Variants in CASD1 observed in about 807,000 individuals in gnomAD.
The protein encoded by CASD1 is CAS1 domain sialic acid O acetyltransferase 1.
CASD1 carries 41 observed loss-of-function variants against 100.0 expected under a neutral mutation model. The ratio of observed to expected loss-of-function variants is 0.41; its 90% confidence interval spans 0.32 to 0.53. The LOEUF is 0.53. Among genes scored for constraint, CASD1 ranks in the 20% least tolerant of loss-of-function variants. The pLI, the probability that CASD1 is intolerant of heterozygous loss-of-function variation, is 0.25. For synonymous variants in CASD1, 321 were observed against 315.6 expected (o/e 1.02, Z -0.18); for missense variants, 774 against 948.7 (o/e 0.82, Z 2.42).
At chr7:94,559,276 C>CTGTGTGTGTGTGTGTGTGTGTG (rs377655712), downstream of CASD1, among the ~76,000 whole-genome samples, 1 of 137,506 alleles carries the variant, frequency 7.3e-6, no homozygotes, top group African/African-American at 2.7e-5. Flanking sequence ...GTATATATGT[C>CTGTGTGTGTGTGTGTGTGTGTG]TGTGTGTGTG....
chr7:94,533,857 T>G, intron 7 of CASD1, 55 bp downstream of exon 7: 8 of 1,409,400 alleles, frequency 5.7e-6, no homozygotes, highest in African/African-American at 1.5e-5. Flanking sequence ...AAGCATGGGT[T>G]TTTATTATCT....
the CASD1 span, among the ~76,000 whole-genome samples, chr7:94,606,861 G>T: frequency 6.6e-6 from 1 of 152,026 alleles, no homozygotes; most frequent in Non-Finnish European, 1.5e-5. Flanking sequence ...TTCAAAAATT[G>T]CACATGGATT....
At chr7:94,571,055 T>G in the CASD1 span, among the ~76,000 whole-genome samples, 2 of 151,548 alleles carry the variant, frequency 1.3e-5, no homozygotes, top group African/African-American at 4.9e-5. Flanking sequence ...TTTTTTTTTT[T>G]TCTTTTTAGA....
At chr7:94,570,199 CTTA>C in the CASD1 span, among the ~76,000 whole-genome samples, 1 of 152,008 alleles carries the variant, frequency 6.6e-6, no homozygotes, top group East Asian at 1.9e-4. Flanking sequence ...TTCTGCCTGT[CTTA>C]TTATTTTTTT....
chr7:94,520,864 G>A (rs952028663), intron 3 of CASD1, among the ~76,000 whole-genome samples: 1 of 152,040 alleles, frequency 6.6e-6, no homozygotes, highest in Admixed American at 6.5e-5. Flanking sequence ...GGCCGAGGTG[G>A]GCGGATCACC....
the CASD1 span, among the ~76,000 whole-genome samples, chr7:94,563,605 T>C: frequency 6.6e-6 from 1 of 152,172 alleles, no homozygotes. Flanking sequence ...TTGACTGTTA[T>C]TTCTTACATT....
chr7:94,517,506 G>T, intron 1 of CASD1, 54 bp from the exon 2 acceptor site: 2 of 1,094,100 alleles, frequency 1.8e-6, no homozygotes, highest in Non-Finnish European at 2.7e-6. Context: ...CAAGATAGCC[G>T]ATGTGTAAAA....
rs75260121 is a variant in CASD1, at chr7:94,511,534, A to G, written c.133+1317A>G. On this transcript the variant is annotated intron_variant, in intron 1 of 17. Transcript: ENST00000297273. The stretch of plus-strand genomic sequence containing the variant: ...CCAGCTCTCTCCAGATCACAGCCAT[A>G]CGACCTTGCAAGGCCTTGGTTTATC... 5.6e-3 allele frequency among the ~76,000 whole-genome samples: 854 copies of G among 152,346 alleles called. 3 individuals carry two copies. The highest frequency in any genetic ancestry group is 0.01 in the Middle Eastern group (3 of 294).
In CASD1 at chr7:94,545,575, G is replaced by A. The variant is rs1562947105; in HGVS notation, c.1507G>A (p.Val503Met). The change falls in exon 12 of 18, where the codon GTG becomes ATG. Residue 503 changes from valine to methionine, a missense_variant. Val to Met is a conservative substitution (Grantham distance 21). This residue lies in a region of CASD1 where 453 missense variants were observed against 532.6 expected (regional missense o/e 0.85). Coordinates refer to ENST00000297273, the MANE Select transcript of CASD1 (RefSeq NM_022900.5). The part of the protein sequence containing the change: ...VLFRLNFLVV[V>M]LCIVMDRPYQ... ...ATTTCGTCTCAATTTCCTGGTAGTG[G>A]TGTTATGTATAGTAATGGATCGACC... is the stretch of plus-strand genomic sequence containing the variant. 6.2e-7 allele frequency: 1 copy of A among 1,605,778 alleles called. No homozygotes were observed. Among genetic ancestry groups the A allele is most frequent in the African/African-American group, 1.3e-5 (1 of 74,792 alleles).
At chr7:94,602,411 C>T in the CASD1 span, among the ~76,000 whole-genome samples, 1 of 152,236 alleles carries the variant, frequency 6.6e-6, no homozygotes, top group East Asian at 1.9e-4. Flanking sequence ...CAGGATGCAG[C>T]TGGCTCTCTA....
At chr7:94,607,867 G>A in the CASD1 span, among the ~76,000 whole-genome samples, 1 of 152,126 alleles carries the variant, frequency 6.6e-6, no homozygotes, top group Non-Finnish European at 1.5e-5. Flanking sequence ...TGATTCAAAA[G>A]AATTGATTAA....
At chr7:94,613,569 C>A in the CASD1 span, among the ~76,000 whole-genome samples, 473 of 152,014 alleles carry the variant, frequency 3.1e-3, 2 homozygotes, top group African/African-American at 0.011. Context: ...TTTTTTTTAT[C>A]CCAACAATTC....
the CASD1 span, among the ~76,000 whole-genome samples, chr7:94,614,040 C>A: frequency 1.4e-5 from 2 of 141,566 alleles, no homozygotes; most frequent in Non-Finnish European, 3.0e-5. Flanking sequence ...CTTGACAGGA[C>A]TAATAATTCT....
At chr7:94,600,923 T>C in the CASD1 span, 1 of 1,280,332 alleles carries the variant, frequency 7.8e-7, no homozygotes, top group Non-Finnish European at 1.1e-6. Flanking sequence ...TTTTAAGATC[T>C]GGATACACTA....
the CASD1 span, among the ~76,000 whole-genome samples, chr7:94,584,432 C>T: frequency 3.3e-5 from 5 of 152,168 alleles, no homozygotes; most frequent in Non-Finnish European, 2.9e-5. Flanking sequence ...AGAGATACAT[C>T]TTTAAGAAAT....
chr7:94,633,731 C>A, the CASD1 span, among the ~76,000 whole-genome samples: 1 of 152,070 alleles, frequency 6.6e-6, no homozygotes, highest in African/African-American at 2.4e-5. Flanking sequence ...TGCACGTGTG[C>A]TTATTACAAT....
At chr7:94,516,401 A>T (rs977203655) in intron 1 of CASD1, among the ~76,000 whole-genome samples, 2 of 151,964 alleles carry the variant, frequency 1.3e-5, no homozygotes, top group African/African-American at 4.8e-5. Context: ...GAGAAAAGAG[A>T]TGTGTTCTTC....
the CASD1 span, among the ~76,000 whole-genome samples, chr7:94,564,432 A>G: frequency 2.0e-5 from 3 of 152,210 alleles, no homozygotes; most frequent in African/African-American, 7.2e-5. Context: ...AAGAAATTGT[A>G]ATTTACCGTC....
intron 5 of CASD1, among the ~76,000 whole-genome samples, chr7:94,529,565 A>G (rs908049411): frequency 2.6e-5 from 4 of 152,108 alleles, no homozygotes; most frequent in Non-Finnish European, 5.9e-5. Context: ...ACTTTTTACT[A>G]TTTCTGTAGT....
Sources: gnomAD v4.1 joint callset for allele counts (sites outside exome capture counted in the v4.1 genomes callset) on GRCh38, gnomAD v4.1.1 for gene constraint, gnomAD v4.1.1 regional missense constraint, MANE v1.5 for transcripts, NCBI Gene and HGNC (gene_info 2026-07-23, HGNC 2026-07-21) for gene names.